Variants in HELZ2 observed in about 807,000 individuals in gnomAD.
The protein encoded by HELZ2 is helicase with zinc finger 2, also known as 3'-5' exoribonuclease HELZ2.
Under a neutral mutation model 208.8 loss-of-function variants are expected in HELZ2, and 143 were observed. The observed-to-expected ratio is 0.68, with a 90% CI of 0.60 to 0.79. The LOEUF (loss-of-function observed/expected upper bound fraction) is 0.79. Ranked by LOEUF, HELZ2 falls within the 30% of genes least tolerant of loss-of-function variation. The probability of loss-of-function intolerance (pLI) is 0.00; values close to 1 mark genes in which losing one functional copy is unlikely to be tolerated. For synonymous variants in HELZ2, 1,705 were observed against 1,693.7 expected (o/e 1.01, Z -0.16); for missense variants, 3,690 against 3,794.5 (o/e 0.97, Z 0.72).
chr20:63,570,005 A>G, intron 3 of HELZ2: 1 of 458,828 alleles, frequency 2.2e-6, no homozygotes, highest in Admixed American at 3.6e-5. Context: ...CTGGAGTGCA[A>G]TGGCGCGATC....
chr20:63,563,702 C>T (rs1413566593), exon 8 of HELZ2: 1 of 1,586,326 alleles, frequency 6.3e-7, no homozygotes, highest in South Asian at 1.1e-5. Context: ...GAAGGCCTGG[C>T]AGAGCCCATC....
exon 8 of HELZ2, chr20:63,563,434 C>A: frequency 6.5e-7 from 1 of 1,530,532 alleles, no homozygotes; most frequent in South Asian, 1.2e-5. Flanking sequence ...AGACACGGCG[C>A]CGCCACAGGA....
chr20:63,570,904 G>C (rs770791597), intron 1 of HELZ2, 36 bp from the exon 3 acceptor site: 1 of 1,525,988 alleles, frequency 6.6e-7, no homozygotes, highest in Non-Finnish European at 8.9e-7. Flanking sequence ...CTACACAGAG[G>C]CACAGCCGCC....
exon 8 of HELZ2, chr20:63,562,839 C>T (rs753387409): frequency 1.1e-5 from 18 of 1,609,674 alleles, no homozygotes; most frequent in African/African-American, 5.3e-5. Flanking sequence ...CAGTTCTCCT[C>T]GAGGAAGGCG....
rs750842638 is a variant in HELZ2, at chr20:63,560,939, T to G, written c.7147-10A>C. 14 of 1,611,756 alleles carry G rather than the reference T, an allele frequency of 8.7e-6. No homozygotes were observed. In the Middle Eastern group the frequency reaches 4.9e-4, roughly 57 times the overall value. The stretch of plus-strand genomic sequence containing the variant: ...CTCCGAGAAGAACCACCTGGAGGAA[T>G]AGGCAGGCCTGGCCCTGACACCCCT... On this transcript the variant is annotated splice_polypyrimidine_tract_variant and intron_variant, in intron 14 of 18. Transcript: ENST00000467148.
At chr20:63,564,478 G>C in exon 8 of HELZ2, 1 of 1,583,692 alleles carries the variant, frequency 6.3e-7, no homozygotes, top group Non-Finnish European at 8.6e-7. Flanking sequence ...ACTGGACCAC[G>C]GAGGGTGCAA....
chr20:63,560,222 G>A lies in HELZ2; in HGVS notation c.7606C>T (p.Arg2536Trp), dbSNP rs369824932. The change falls in exon 17 of 19, where the codon CGG becomes TGG. Residue 2536 changes from arginine (R) to tryptophan (W), a missense_variant. Arg to Trp is a moderately radical substitution (Grantham distance 101). This residue lies in a region of HELZ2 where 2,564 missense variants were observed against 2,580.5 expected (regional missense o/e 0.99). Coordinates refer to ENST00000467148, the Ensembl canonical transcript of HELZ2. ...GCCACCCCGGCGATGCCCTCTCGCCGAAGGGCCTTGCTGATCTCAGAGGCC... is the reference window on the plus strand; with the variant it reads ...GCCACCCCGGCGATGCCCTCTCGCCAAAGGGCCTTGCTGATCTCAGAGGCC... 8.9e-5 allele frequency: 136 copies of A among 1,535,092 alleles called. No homozygotes were observed. Among genetic ancestry groups the A allele is most frequent in the South Asian group, 2.2e-4 (19 of 84,810 alleles).
At position 63,559,518 on chromosome 20, in the gene HELZ2, GT is replaced by G. The variant is rs1221155734; in HGVS notation, c.7826-149del. The stretch of plus-strand genomic sequence containing the variant: ...TGGGAGGAGTCAGGGTCAGATGGGA[GT>G]CAGTCAGAGTCAGGTGGGAGGAGTC... On this transcript the variant is annotated intron_variant, in intron 18 of 18. Transcript: ENST00000467148. 16 of 322,502 alleles carry G rather than the reference GT, an allele frequency of 5.0e-5. No individual in the cohort carries two copies. The East Asian group carries it at 8.4e-4, about 17-fold the overall frequency. 20.0% of individuals were successfully genotyped at this position (322,502 alleles called of 1,614,324 possible).
In HELZ2 at chr20:63,570,707, C is replaced by T. The variant is rs202009283; in HGVS notation, c.440G>A (p.Arg147His). The T allele has an allele frequency of 2.1e-5, 30 of 1,430,138 alleles. No individual in the cohort carries two copies. The East Asian group carries it at 4.9e-4, about 23-fold the overall frequency. The allele number at this position is 1,430,138 out of a possible 1,614,324, so 88.6% of individuals were successfully genotyped here. ...TACCACAAGGACCTCACTGCTGCTG[C>T]GCTGGTACTCGGCCAGCAGCCGCTC... Residue 147 changes from arginine (R) to histidine (H), a missense_variant, in exon 2 of 19, where the codon CGC becomes CAC. By Grantham distance (29) the Arg-to-His change is conservative. This residue lies in a region of HELZ2 where 1,119 missense variants were observed against 1,193.4 expected (regional missense o/e 0.94). Coordinates refer to ENST00000467148, the Ensembl canonical transcript of HELZ2.
At chr20:63,563,966 A>G in exon 8 of HELZ2, 1 of 1,598,244 alleles carries the variant, frequency 6.3e-7, no homozygotes. Flanking sequence ...GACCAAGTCC[A>G]CCATCTGTTC....
rs776370609 is a variant in HELZ2, at chr20:63,568,801, C to T, written c.1287G>A (p.Thr429=). Residue 429 remains threonine (T), a synonymous_variant, in exon 5 of 19, where the codon ACG becomes ACA. Transcript: ENST00000467148. The stretch of plus-strand genomic sequence containing the variant: ...GCCTCTCCAGCCGCACCTCGAACAC[C>T]GTATTGTCGGGTGCAGGTACAGGGG... 5.0e-6 allele frequency: 8 copies of T among 1,612,058 alleles called. No homozygotes were observed. The Admixed American group carries it at 5.0e-5, about 10-fold the overall frequency.
rs761962235 is a variant in HELZ2 at position 63,564,416 on chromosome 20, G to A, written c.4406C>T (p.Pro1469Leu). 10 of 1,545,968 alleles carry A rather than the reference G, an allele frequency of 6.5e-6. No individual in the cohort carries two copies. The South Asian group carries it at 8.3e-5, about 13-fold the overall frequency. The change falls in exon 8 of 19, where the codon CCG becomes CTG. Residue 1469 changes from proline (P) to leucine (L), a missense_variant. Around this residue, in one of 3 missense-constraint regions of HELZ2, gnomAD observed 2,564 missense variants for 2,580.5 expected, o/e 0.99. Coordinates refer to ENST00000467148, the Ensembl canonical transcript of HELZ2. Reference sequence around the variant, plus strand: ...GGCCGGCAGCTCACGGCCGGCACCCGGGTGCTGCCTGATCACCTCCTCCGC... The same window carrying A: ...GGCCGGCAGCTCACGGCCGGCACCCAGGTGCTGCCTGATCACCTCCTCCGC...
exon 5 of HELZ2, chr20:63,568,433 T>C: frequency 6.2e-7 from 1 of 1,606,382 alleles, no homozygotes; most frequent in Non-Finnish European, 8.5e-7. Context: ...GGCCAGCGTG[T>C]AGGTCTTGCC....
chr20:63,565,478 G>A (rs758171292), exon 8 of HELZ2: 50 of 1,605,216 alleles, frequency 3.1e-5, no homozygotes, highest in South Asian at 1.1e-4. Context: ...TAGCGCAGCC[G>A]GGGGCAGGTT....
At chr20:63,569,461 G>A (rs755455196) in exon 4 of HELZ2, 12 of 1,609,818 alleles carry the variant, frequency 7.5e-6, no homozygotes, top group African/African-American at 2.7e-5. Flanking sequence ...ACCGGCCGGC[G>A]GCCAAAGTCG....
chr20:63,561,383 C>A (rs780487784), exon 13 of HELZ2: 1 of 1,613,106 alleles, frequency 6.2e-7, no homozygotes, highest in Non-Finnish European at 8.5e-7. Flanking sequence ...GAGCTCCCCT[C>A]TCTGCAGCCG....
exon 4 of HELZ2, chr20:63,569,664 T>C (rs1467376528): frequency 6.6e-7 from 1 of 1,523,522 alleles, no homozygotes; most frequent in Non-Finnish European, 8.8e-7. Context: ...TAGCAGGGGC[T>C]CCTGGAGAGG....
chr20:63,568,447 G>A lies in HELZ2; in HGVS notation c.1641C>T (p.Gly547=), dbSNP rs527736578. ...TGGCCAGCGTGTAGGTCTTGCCGGT[G>A]CCAAAGGGGCCATAGATGAGTAGCG... Residue 547 remains glycine, a synonymous_variant, in exon 5 of 19, where the codon GGC becomes GGT. Transcript: ENST00000467148. The A allele has an allele frequency of 1.4e-4, 230 of 1,601,626 alleles. 4 individuals carry two copies. In the South Asian group the frequency reaches 2.4e-3, roughly 17 times the overall value.
exon 8 of HELZ2, chr20:63,566,132 A>G (rs767678380): frequency 7.6e-6 from 12 of 1,572,714 alleles, no homozygotes; most frequent in Non-Finnish European, 7.7e-6. Context: ...GGTGTTGAGC[A>G]CGCGGGCGTC....
Sources: allele counts gnomAD v4.1 joint callset, GRCh38; gene constraint gnomAD v4.1.1; regional missense constraint gnomAD v4.1.1; transcripts MANE v1.5; gene names NCBI Gene and HGNC (gene_info 2026-07-23, HGNC 2026-07-21).